Variants in TMEM109 observed in about 807,000 individuals in gnomAD.
TMEM109 encodes the protein voltage-gated monoatomic cation channel TMEM109.
In TMEM109, 19 loss-of-function variants were observed where a neutral mutation model predicts 26.4. The observed-to-expected ratio is 0.72, with a 90% confidence interval of 0.50 to 1.06. The LOEUF (loss-of-function observed/expected upper bound fraction) is 1.06. Ranked by LOEUF, TMEM109 falls within the 50% of genes least tolerant of loss-of-function variation. The pLI is 0.00. For missense variants in TMEM109, 262 were observed against 303.4 expected (o/e 0.86, Z 1.01); for synonymous variants, 129 against 142.0 (o/e 0.91, Z 0.65).
At chr11:60,916,084 C>G (rs1856171572) in intron 1 of TMEM109, among the ~76,000 whole-genome samples, 1 of 152,204 alleles carries the variant, frequency 6.6e-6, no homozygotes, top group Non-Finnish European at 1.5e-5. Flanking sequence ...GGACTATGTC[C>G]ACTATCAAGG....
Position 60,923,268 on chromosome 11 carries a change from CCTT to C in TMEM109, c.*1106_*1108del, listed in dbSNP as rs1371636578. 1 of 152,698 alleles carries C rather than the reference CCTT, an allele frequency of 6.5e-6. No homozygotes were observed. Among genetic ancestry groups the C allele is most frequent in the Non-Finnish European group, 1.5e-5 (1 of 68,050 alleles). 9.5% of individuals were successfully genotyped at this position (152,698 alleles called of 1,614,324 possible). ...TTGAGGCTCTAGTGGAGGTGGATGT[CCTT>C]CTCTGCCAGGCTTGGCACATGATGT... On this transcript the variant is annotated 3_prime_UTR_variant, in exon 4 of 4. Coordinates refer to ENST00000227525, the MANE Select transcript of TMEM109 (RefSeq NM_024092.3).
intron 1 of TMEM109, among the ~76,000 whole-genome samples, chr11:60,915,841 C>G (rs1222986689): frequency 1.3e-5 from 2 of 152,204 alleles, no homozygotes; most frequent in Non-Finnish European, 2.9e-5. Flanking sequence ...ATAAGTAAAG[C>G]TGTTTCCCCA....
rs1046910337 is a variant in TMEM109 at position 60,922,737 on chromosome 11, C to T, written c.*572C>T. 1 of 211,930 alleles carries T rather than the reference C, an allele frequency of 4.7e-6. No individual in the cohort carries two copies. Among genetic ancestry groups the T allele is most frequent in the African/African-American group, 2.3e-5 (1 of 44,106 alleles). The allele number at this position is 211,930 out of a possible 1,614,324, so 13.1% of individuals were successfully genotyped here. ...GGATAAAGGGTGGGGAAACAGGGTC[C>T]CCTGAGGCCTGTGGGGGCTGCAGGG... is the stretch of plus-strand genomic sequence containing the variant. On this transcript the variant is annotated 3_prime_UTR_variant, in exon 4 of 4. Coordinates refer to ENST00000227525, the MANE Select transcript of TMEM109 (RefSeq NM_024092.3).
chr11:60,916,011 C>T (rs1476076961), intron 1 of TMEM109, among the ~76,000 whole-genome samples: 1 of 152,174 alleles, frequency 6.6e-6, no homozygotes, highest in Non-Finnish European at 1.5e-5. Flanking sequence ...TGTGTTCCCT[C>T]GGAGGAGTCT....
chr11:60,922,801 T>C lies in TMEM109; in HGVS notation c.*636T>C, dbSNP rs1856264352. On this transcript the variant is annotated 3_prime_UTR_variant, in exon 4 of 4. Coordinates refer to ENST00000227525, the MANE Select transcript of TMEM109 (RefSeq NM_024092.3). ...CTTGTGTCTCTTTCAAGTGCCTTAA[T>C]CCGAGCCAGCAGGGCCTTCTGCTTG... is the stretch of plus-strand genomic sequence containing the variant. 1 of 168,634 alleles carries C rather than the reference T, an allele frequency of 5.9e-6. No individual in the cohort carries two copies. Among genetic ancestry groups the C allele is most frequent in the South Asian group, 1.5e-4 (1 of 6,646 alleles). The allele number at this position is 168,634 out of a possible 1,614,324, so 10.4% of individuals were successfully genotyped here.
chr11:60,920,499 A>G (rs1353573042), intron 2 of TMEM109, among the ~76,000 whole-genome samples: 1 of 152,198 alleles, frequency 6.6e-6, no homozygotes, highest in Non-Finnish European at 1.5e-5. Context: ...ACGCACCTTC[A>G]TGACTCCCTG....
At chr11:60,920,598 C>T (rs1263470039) in intron 2 of TMEM109, among the ~76,000 whole-genome samples, 1 of 152,190 alleles carries the variant, frequency 6.6e-6, no homozygotes, top group African/African-American at 2.4e-5. Context: ...CCTACTACTC[C>T]CTCCAAAGTA....
intron 3 of TMEM109, among the ~76,000 whole-genome samples, 189 bp from the exon 4 acceptor site, chr11:60,921,585 G>A (rs1856239437): frequency 6.6e-6 from 1 of 152,210 alleles, no homozygotes; most frequent in Non-Finnish European, 1.5e-5. Flanking sequence ...ACAGAAGCAA[G>A]TAATCTACTC....
chr11:60,919,377 C>T (rs989543448), intron 1 of TMEM109, among the ~76,000 whole-genome samples: 1 of 152,216 alleles, frequency 6.6e-6, no homozygotes, highest in African/African-American at 2.4e-5. Context: ...GACAGGCCTT[C>T]AGATTTTTAG....
At position 60,914,247 on chromosome 11, in the gene TMEM109, G is replaced by T. The variant is rs1856144679; in HGVS notation, c.-30G>T. 1 of 152,208 alleles carries T rather than the reference G, an allele frequency of 6.6e-6. No homozygotes were observed. The highest frequency in any genetic ancestry group is 1.5e-5 in the Non-Finnish European group (1 of 68,046). 9.4% of individuals were successfully genotyped at this position (152,208 alleles called of 1,614,324 possible). A position where few individuals can be genotyped will look rare whatever the true frequency, so the allele number is the denominator to read the frequency against. ...GCGTTTCAGCGAAGTCGCACGTGAA[G>T]GATAGCAGTGGCCTGAGAAAGGTGA... On this transcript the variant is annotated 5_prime_UTR_variant, in exon 1 of 4. The change creates a new upstream start codon in the 5' untranslated region. Coordinates refer to ENST00000227525, the MANE Select transcript of TMEM109 (RefSeq NM_024092.3).
At chr11:60,916,252 T>A (rs1188785506) in intron 1 of TMEM109, among the ~76,000 whole-genome samples, 1 of 152,138 alleles carries the variant, frequency 6.6e-6, no homozygotes, top group Admixed American at 6.5e-5. Context: ...CTTAAAAGAT[T>A]GTTGTTAGAG....
At chr11:60,920,843 G>C (rs374702646) in intron 2 of TMEM109, 43 bp from the exon 3 acceptor site, 34 of 1,529,942 alleles carry the variant, frequency 2.2e-5, no homozygotes, top group Non-Finnish European at 2.7e-5. Flanking sequence ...GGCGAGGACC[G>C]TTGTTCATTA....
At chr11:60,920,281 T>C (rs1478304990) in intron 2 of TMEM109, among the ~76,000 whole-genome samples, 1 of 152,154 alleles carries the variant, frequency 6.6e-6, no homozygotes, top group Non-Finnish European at 1.5e-5. Flanking sequence ...CCTGAATCCA[T>C]TCCTTCACCT....
rs776396724 is a variant in TMEM109 at position 60,922,403 on chromosome 11, C to A, written c.*238C>A. ...GGGGTTGGCTCTCTTAACCCTTTCT[C>A]TGCTCCCAGCCTGCCTCACCAGGGA... On this transcript the variant is annotated 3_prime_UTR_variant, in exon 4 of 4. Transcript: ENST00000227525. 6.6e-7 allele frequency: 1 copy of A among 1,516,182 alleles called. No individual in the cohort carries two copies. The highest frequency in any genetic ancestry group is 8.8e-7 in the Non-Finnish European group (1 of 1,132,854). The allele number at this position is 1,516,182 out of a possible 1,614,324, so 93.9% of individuals were successfully genotyped here.
In TMEM109 at chr11:60,922,145, C is replaced by A; in HGVS notation, c.712C>A (p.Arg238Ser). 1 of 1,597,960 alleles carries A rather than the reference C, an allele frequency of 6.3e-7. No homozygotes were observed. Residue 238 changes from arginine (R) to serine (S), a missense_variant, in exon 4 of 4, where the codon CGC (arginine) becomes AGC (serine). Physicochemically the swap from Arg to Ser is moderately radical, Grantham distance 110. Coordinates refer to ENST00000227525, the MANE Select transcript of TMEM109 (RefSeq NM_024092.3). The part of the protein sequence containing the change: ...WRQRRAAKGA[R>S]SVEEE Reference sequence around the variant, plus strand: ...CCAGAGGCGAGCGGCCAAGGGGGCCCGCAGTGTGGAGGAGGAGTGAGCCGG... The same window carrying A: ...CCAGAGGCGAGCGGCCAAGGGGGCCAGCAGTGTGGAGGAGGAGTGAGCCGG...
At chr11:60,916,357 A>T (rs1359936234) in intron 1 of TMEM109, among the ~76,000 whole-genome samples, 1 of 152,210 alleles carries the variant, frequency 6.6e-6, no homozygotes, top group Non-Finnish European at 1.5e-5. Flanking sequence ...TATGTATAAC[A>T]TTTGTATTAT....
rs370460547 is a variant in TMEM109, at chr11:60,920,871, G to C, written c.238-15G>C. 6.8e-6 allele frequency: 11 copies of C among 1,609,860 alleles called. No homozygotes were observed. The highest frequency in any genetic ancestry group is 8.5e-6 in the Non-Finnish European group (10 of 1,176,188). On this transcript the variant is annotated splice_polypyrimidine_tract_variant and intron_variant, in intron 2 of 3. Transcript: ENST00000227525. ...GTTCATTATGAACTCATCTCGCTCCGTGCTCTTTCCACAGTCTTCGTCCCA... is the reference window on the plus strand; with the variant it reads ...GTTCATTATGAACTCATCTCGCTCCCTGCTCTTTCCACAGTCTTCGTCCCA...
In TMEM109 at chr11:60,922,409, C is replaced by G; in HGVS notation, c.*244C>G. On this transcript the variant is annotated 3_prime_UTR_variant, in exon 4 of 4. Coordinates refer to ENST00000227525, the MANE Select transcript of TMEM109 (RefSeq NM_024092.3). ...GGCTCTCTTAACCCTTTCTCTGCTC[C>G]CAGCCTGCCTCACCAGGGAAGGTTG... The G allele has an allele frequency of 6.6e-7, 1 of 1,508,886 alleles. No individual in the cohort carries two copies. The highest frequency in any genetic ancestry group is 8.9e-7 in the Non-Finnish European group (1 of 1,127,314). 93.5% of individuals were successfully genotyped at this position (1,508,886 alleles called of 1,614,324 possible). A position where few individuals can be genotyped will look rare whatever the true frequency, so the allele number is the denominator to read the frequency against.
chr11:60,916,330 A>G (rs984242228), intron 1 of TMEM109, among the ~76,000 whole-genome samples: 4 of 152,234 alleles, frequency 2.6e-5, no homozygotes, highest in East Asian at 1.9e-4. Context: ...TTATTATAAC[A>G]TATGTATATG....
Sources: gnomAD v4.1 joint callset for allele counts (sites outside exome capture counted in the v4.1 genomes callset) on GRCh38, gnomAD v4.1.1 for gene constraint, MANE v1.5 for transcripts, NCBI Gene and HGNC (gene_info 2026-07-23, HGNC 2026-07-21) for gene names.